The following REC114 variants were observed in gnomAD, a reference collection of about 807,000 sequenced individuals.
REC114 encodes the protein REC114 meiotic recombination protein.
A neutral mutation model predicts 31.3 loss-of-function variants in REC114; 27 were observed. The observed-to-expected ratio is 0.86, with a 90% CI of 0.64 to 1.19. The LOEUF is 1.19. Among genes scored for constraint, REC114 ranks in the 50% most tolerant of loss-of-function variants. The pLI is 0.00. For synonymous variants in REC114, 134 were observed against 127.7 expected (o/e 1.05, Z -0.33); for missense variants, 344 against 326.9 (o/e 1.05, Z -0.40).
At chr15:73,470,074 A>G (rs73442077) in intron 1 of REC114, among the ~76,000 whole-genome samples, 4,328 of 152,062 alleles carry the variant, frequency 0.028, 58 homozygotes, top group African/African-American at 0.048. Flanking sequence ...TTTTTATCCA[A>G]TCTGACAACC....
chr15:73,486,696 A>G (rs891849874), intron 2 of REC114, among the ~76,000 whole-genome samples: 21 of 152,270 alleles, frequency 1.4e-4, no homozygotes, highest in Non-Finnish European at 2.8e-4. Flanking sequence ...TGCATCCTCC[A>G]TAGGGGAGGA....
intron 3 of REC114, among the ~76,000 whole-genome samples, chr15:73,550,308 T>C (rs577028900): frequency 1.3e-5 from 2 of 152,362 alleles, no homozygotes; most frequent in South Asian, 4.1e-4. Context: ...TTTAATTGCA[T>C]CTGTCCCACA....
chr15:73,452,994 A>G lies in REC114; in HGVS notation c.159+9650A>G, dbSNP rs529023931. 1.8e-4 allele frequency among the ~76,000 whole-genome samples: 28 copies of G among 152,350 alleles called. No homozygotes were observed. In the East Asian group the frequency reaches 4.4e-3, roughly 24 times the overall value. On this transcript the variant is annotated intron_variant, in intron 1 of 5. Transcript: ENST00000331090. ...TACAAAAATCAACTCAAGATGGATT[A>G]AAGACTTAAATATAAGACCTAAAAC...
chr15:73,498,225 G>T (rs1893555431), intron 2 of REC114, among the ~76,000 whole-genome samples: 1 of 151,776 alleles, frequency 6.6e-6, no homozygotes, highest in African/African-American at 2.4e-5. Flanking sequence ...GTGTACAGAA[G>T]TCCTTGATGT....
intron 2 of REC114, among the ~76,000 whole-genome samples, chr15:73,534,114 C>G (rs1248540228): frequency 6.8e-6 from 1 of 146,440 alleles, no homozygotes; most frequent in South Asian, 2.3e-4. Context: ...ACCCTAACAT[C>G]ACAATTAAAA....
intron 2 of REC114, among the ~76,000 whole-genome samples, chr15:73,508,826 C>T (rs1340712334): frequency 6.6e-6 from 1 of 151,456 alleles, no homozygotes; most frequent in African/African-American, 2.4e-5. Flanking sequence ...TGCCACATTT[C>T]CTTAATCCAA....
chr15:73,461,363 A>T (rs1892985728), intron 1 of REC114, among the ~76,000 whole-genome samples: 1 of 152,188 alleles, frequency 6.6e-6, no homozygotes, highest in South Asian at 2.1e-4. Context: ...CATATTTTAT[A>T]GTGCATAAAA....
chr15:73,531,982 CTTT>C (rs60376866), intron 2 of REC114, among the ~76,000 whole-genome samples: 35 of 138,886 alleles, frequency 2.5e-4, no homozygotes, highest in Non-Finnish European at 4.2e-4. Context: ...GTTCTCCACT[CTTT>C]TTTTTTTTTT....
At chr15:73,558,216 A>G (rs1410698158) in intron 5 of REC114, among the ~76,000 whole-genome samples, 1 of 152,226 alleles carries the variant, frequency 6.6e-6, no homozygotes, top group East Asian at 1.9e-4. Context: ...ATCCCAAGTA[A>G]GTTTCTGTTA....
rs951396236 is a variant in REC114 at position 73,463,811 on chromosome 15, GAA to G, written c.160-10010_160-10009del. On this transcript the variant is annotated intron_variant, in intron 1 of 5. Transcript: ENST00000331090. ...ACTCCAGCCTGGGTGACAGGAAAAG[GAA>G]AAAAAAAAAAGAGTTGGTTCCCTAG... Among the ~76,000 whole-genome samples the G allele has an allele frequency of 7.9e-4, 111 of 141,190 alleles. 1 individual carries two copies. The highest frequency in any genetic ancestry group is 2.6e-3 in the African/African-American group (101 of 38,664). 92.6% of individuals were successfully genotyped at this position (141,190 alleles called of 152,430 possible). A position where few individuals can be genotyped will look rare whatever the true frequency, so the allele number is the denominator to read the frequency against.
At chr15:73,479,181 T>A (rs1893258329) in intron 2 of REC114, among the ~76,000 whole-genome samples, 1 of 151,450 alleles carries the variant, frequency 6.6e-6, no homozygotes. Flanking sequence ...TTAAATATAA[T>A]GTTAGCTGTA....
intron 2 of REC114, among the ~76,000 whole-genome samples, chr15:73,524,788 G>A (rs1455475323): frequency 5.9e-5 from 9 of 152,110 alleles, no homozygotes; most frequent in African/African-American, 2.2e-4. Flanking sequence ...GAATAGAAAT[G>A]GGGTTTTGCC....
At chr15:73,448,711 C>T (rs1892801946) in intron 1 of REC114, among the ~76,000 whole-genome samples, 1 of 152,140 alleles carries the variant, frequency 6.6e-6, no homozygotes, top group Non-Finnish European at 1.5e-5. Context: ...TGGGAGACAC[C>T]TCCCAGTAGG....
At chr15:73,517,624 G>A (rs1373721280) in intron 2 of REC114, among the ~76,000 whole-genome samples, 13 of 152,188 alleles carry the variant, frequency 8.5e-5, no homozygotes, top group Non-Finnish European at 7.3e-5. Context: ...GACGAGCCAG[G>A]CCTGGCAGCA....
At chr15:73,497,136 C>T (rs1893539798) in intron 2 of REC114, among the ~76,000 whole-genome samples, 2 of 152,080 alleles carry the variant, frequency 1.3e-5, no homozygotes, top group South Asian at 4.1e-4. Context: ...CTCCTTTTCC[C>T]TTTGTAATTA....
intron 2 of REC114, among the ~76,000 whole-genome samples, chr15:73,511,723 GGTT>G (rs1292264958): frequency 4.7e-5 from 7 of 147,894 alleles, no homozygotes; most frequent in Admixed American, 2.7e-4. Flanking sequence ...TTCAGGAGCA[GGTT>G]GTTCAGTTTC....
At chr15:73,525,944 T>A (rs1044319614) in intron 2 of REC114, among the ~76,000 whole-genome samples, 33 of 152,318 alleles carry the variant, frequency 2.2e-4, no homozygotes, top group African/African-American at 7.5e-4. Flanking sequence ...GGTTTCCAAT[T>A]CTAATTGTAG....
intron 1 of REC114, among the ~76,000 whole-genome samples, chr15:73,469,810 G>A (rs544166367): frequency 1.4e-4 from 21 of 149,510 alleles, no homozygotes; most frequent in Non-Finnish European, 2.7e-4. Flanking sequence ...TCAGCCTCCC[G>A]AGTAGCTGGG....
chr15:73,457,115 A>T (rs1892926528), intron 1 of REC114, among the ~76,000 whole-genome samples: 3 of 100,482 alleles, frequency 3.0e-5, no homozygotes, highest in South Asian at 3.1e-4. Context: ...AAACAGTTTG[A>T]TCCTTTCAAG....
Sources: gnomAD v4.1 joint callset for allele counts (sites outside exome capture counted in the v4.1 genomes callset) on GRCh38, gnomAD v4.1.1 for gene constraint, MANE v1.5 for transcripts, NCBI Gene and HGNC (gene_info 2026-07-23, HGNC 2026-07-21) for gene names.